The following LIMCH1 variants were observed in gnomAD, a reference collection of about 807,000 sequenced individuals.
LIMCH1 encodes LIM and calponin homology domains-containing protein 1.
A neutral mutation model predicts 176.5 loss-of-function variants in LIMCH1; 113 were observed. The observed-to-expected ratio is 0.64, with a 90% confidence interval of 0.55 to 0.75. The LOEUF is 0.75. Ranked by LOEUF, LIMCH1 falls within the 30% of genes least tolerant of loss-of-function variation. The pLI, the probability that LIMCH1 is intolerant of heterozygous loss-of-function variation, is 0.00. For missense variants in LIMCH1, 1,674 were observed against 1,814.9 expected, an observed-to-expected ratio of 0.92 and a Z score of 1.41; for synonymous variants, 619 against 645.9, an observed-to-expected ratio of 0.96 and a Z score of 0.63.
rs144533474 is a variant in LIMCH1 at position 41,544,914 on chromosome 4, A to C, written c.-241+6564A>C. ...AAGTTACCTCTTGGGTCCTTGATTG[A>C]AACTCCAGTTGCCAAGTAATGAAGA... On this transcript the variant is annotated intron_variant, in intron 1 of 31. Coordinates refer to ENST00000503057, the MANE Select transcript of LIMCH1 (RefSeq NM_001330672.2). 2.0e-5 allele frequency among the ~76,000 whole-genome samples: 3 copies of C among 152,308 alleles called. No individual in the cohort carries two copies. The East Asian group carries it at 5.8e-4, about 29-fold the overall frequency.
chr4:41,611,721 A>C (rs943240714), intron 4 of LIMCH1, among the ~76,000 whole-genome samples: 7 of 152,268 alleles, frequency 4.6e-5, no homozygotes, highest in African/African-American at 1.7e-4. Context: ...TAACATGCAA[A>C]AAACATCAAG....
intron 2 of LIMCH1, among the ~76,000 whole-genome samples, chr4:41,502,574 G>A (rs986787312): frequency 6.6e-6 from 1 of 152,090 alleles, no homozygotes; most frequent in African/African-American, 2.4e-5. Context: ...AGCATCTATT[G>A]TTTGACTTTT....
At chr4:41,418,914 A>G (rs1273072786) in intron 1 of LIMCH1, 1 of 152,216 alleles carries the variant, frequency 6.6e-6, no homozygotes, top group Non-Finnish European at 1.5e-5. Context: ...TTTGATCTCC[A>G]TAGGATATGA....
chr4:41,443,365 T>G (rs2062921416), intron 1 of LIMCH1, among the ~76,000 whole-genome samples: 1 of 152,222 alleles, frequency 6.6e-6, no homozygotes, highest in African/African-American at 2.4e-5. Flanking sequence ...TCCAAATTGC[T>G]TTTCCTGAAT....
At chr4:41,455,488 C>CAG (rs1212098851) in intron 1 of LIMCH1, among the ~76,000 whole-genome samples, 1 of 152,206 alleles carries the variant, frequency 6.6e-6, no homozygotes, top group Non-Finnish European at 1.5e-5. Flanking sequence ...AGGTCAGCTG[C>CAG]AGATGCTCTT....
chr4:41,597,881 C>T (rs2089204116), intron 1 of LIMCH1, among the ~76,000 whole-genome samples: 1 of 152,152 alleles, frequency 6.6e-6, no homozygotes, highest in South Asian at 2.1e-4. Flanking sequence ...ATCTTAGAAT[C>T]CTGACTGCAA....
intron 1 of LIMCH1, among the ~76,000 whole-genome samples, chr4:41,444,675 A>T (rs954990195): frequency 6.6e-6 from 1 of 152,228 alleles, no homozygotes; most frequent in African/African-American, 2.4e-5. Context: ...AAGTACAACA[A>T]CATGAGGTTC....
In LIMCH1 at chr4:41,674,966, G is replaced by A. The variant is rs2095167650; in HGVS notation, c.3439-1416G>A. Among the ~76,000 whole-genome samples the A allele has an allele frequency of 2.0e-5, 3 of 152,136 alleles. No individual in the cohort carries two copies. The South Asian group carries it at 6.2e-4, about 32-fold the overall frequency. On this transcript the variant is annotated intron_variant, in intron 22 of 31. Coordinates refer to ENST00000503057, the MANE Select transcript of LIMCH1 (RefSeq NM_001330672.2). Reference sequence around the variant, plus strand: ...CCCCCTGCATAACTTCCAAGAGCCTGTAATATGCTAATGTGCAGTGTGAAA... The same window carrying A: ...CCCCCTGCATAACTTCCAAGAGCCTATAATATGCTAATGTGCAGTGTGAAA...
In LIMCH1 at chr4:41,676,439, C is replaced by T; in HGVS notation, c.3496C>T (p.Gln1166Ter). 1 of 1,613,924 alleles carries T rather than the reference C, an allele frequency of 6.2e-7. No homozygotes were observed. The highest frequency in any genetic ancestry group is 2.2e-5 in the East Asian group (1 of 44,870). ...GCGCAGGCGACAGGAAAAATGGCAA[C>T]AGGAACAGGAACGTTTGCTCCAGGT... is the stretch of plus-strand genomic sequence containing the variant. The part of the protein sequence containing the change: ...EERRRQEKWQ[Q>*]EQERLLQERY... Residue 1166 changes from glutamine to a stop codon, truncating the protein, a stop_gained, in exon 23 of 32, where the codon CAG becomes TAG. Coordinates refer to ENST00000503057, the MANE Select transcript of LIMCH1 (RefSeq NM_001330672.2). LOFTEE classifies it high-confidence loss of function.
rs1193655554 is a variant in LIMCH1 at position 41,687,908 on chromosome 4, C to T, written c.4157C>T (p.Ser1386Leu). 3.7e-6 allele frequency: 6 copies of T among 1,613,196 alleles called. No individual in the cohort carries two copies. Among genetic ancestry groups the T allele is most frequent in the East Asian group, 4.5e-5 (2 of 44,848 alleles). Residue 1386 changes from serine to leucine, a missense_variant, in exon 29 of 32, where the codon TCA becomes TTA. Coordinates refer to ENST00000503057, the MANE Select transcript of LIMCH1 (RefSeq NM_001330672.2). ...TGTTCTCCCACCCCTCCCGGTCAGT[C>T]ACCAAACAGGTACAAGAGGTCAGCA... Reference protein sequence around the residue: ...SPCSPTPPGQSPNRSISGKKL... With the variant: ...SPCSPTPPGQLPNRSISGKKL...
intron 20 of LIMCH1, among the ~76,000 whole-genome samples, chr4:41,663,244 C>A (rs887129996): frequency 6.6e-6 from 1 of 151,692 alleles, no homozygotes. Flanking sequence ...ACTTCTACCT[C>A]CTGGGTTCAA....
Position 41,699,667 on chromosome 4 carries a change from T to C in LIMCH1, c.*2482T>C, listed in dbSNP as rs1450122729. On this transcript the variant is annotated 3_prime_UTR_variant, in exon 32 of 32. Coordinates refer to ENST00000503057, the MANE Select transcript of LIMCH1 (RefSeq NM_001330672.2). ...GTGATTTATTGTTCCTGAGGAAGTATATCTGATTTTTTTTCTCATACTCCA... is the reference window on the plus strand; with the variant it reads ...GTGATTTATTGTTCCTGAGGAAGTACATCTGATTTTTTTTCTCATACTCCA... The C allele has an allele frequency of 6.6e-6, 1 of 152,154 alleles. No homozygotes were observed. Among genetic ancestry groups the C allele is most frequent in the Non-Finnish European group, 1.5e-5 (1 of 68,040 alleles). 9.4% of individuals were successfully genotyped at this position (152,154 alleles called of 1,614,324 possible). A position where few individuals can be genotyped will look rare whatever the true frequency, so the allele number is the denominator to read the frequency against.
intron 1 of LIMCH1, among the ~76,000 whole-genome samples, chr4:41,565,752 G>A (rs1000426124): frequency 6.6e-6 from 1 of 152,122 alleles, no homozygotes; most frequent in Admixed American, 6.5e-5. Context: ...GAGTTGTGAT[G>A]TATGTGGTTG....
At chr4:41,382,566 T>G (rs2055845534) in intron 1 of LIMCH1, among the ~76,000 whole-genome samples, 2 of 151,652 alleles carry the variant, frequency 1.3e-5, no homozygotes, top group South Asian at 4.2e-4. Context: ...ATTAGGAGAG[T>G]GATCATAGGT....
At chr4:41,641,215 A>T (rs2093809054) in intron 14 of LIMCH1, among the ~76,000 whole-genome samples, 1 of 152,178 alleles carries the variant, frequency 6.6e-6, no homozygotes, top group African/African-American at 2.4e-5. Context: ...TCCAAGTCAC[A>T]TTAATATTCT....
At chr4:41,445,101 G>A (rs916932552) in intron 1 of LIMCH1, among the ~76,000 whole-genome samples, 3 of 151,060 alleles carry the variant, frequency 2.0e-5, no homozygotes, top group Admixed American at 6.6e-5. Context: ...CACCTCCCAG[G>A]TTCAAGCAAT....
chr4:41,683,278 T>G (rs1005496867), intron 26 of LIMCH1, among the ~76,000 whole-genome samples: 1 of 152,082 alleles, frequency 6.6e-6, no homozygotes, highest in African/African-American at 2.4e-5. Context: ...TGCTCTACTG[T>G]GTTCCATGGA....
chr4:41,521,802 A>G (rs1337284967), intron 2 of LIMCH1, among the ~76,000 whole-genome samples: 1 of 152,130 alleles, frequency 6.6e-6, no homozygotes, highest in Non-Finnish European at 1.5e-5. Context: ...AGTAAGGCCT[A>G]GTGTTATATG....
intron 7 of LIMCH1, among the ~76,000 whole-genome samples, chr4:41,620,942 A>C (rs370528648): frequency 3.3e-5 from 5 of 152,318 alleles, no homozygotes; most frequent in Admixed American, 3.3e-4. Flanking sequence ...TGTCTTTGTC[A>C]TGTATTTGTG....
Sources: allele counts gnomAD v4.1 joint callset (sites outside exome capture counted in the v4.1 genomes callset), GRCh38; gene constraint gnomAD v4.1.1; transcripts MANE v1.5; gene names NCBI Gene and HGNC (gene_info 2026-07-23, HGNC 2026-07-21).